The following LRRC4C variants were observed in gnomAD, a reference collection of about 807,000 sequenced individuals.
LRRC4C encodes leucine-rich repeat-containing protein 4C.
In LRRC4C, 5 loss-of-function variants were observed where a neutral mutation model predicts 33.6. The observed-to-expected ratio is 0.15, with a 90% CI of 0.08 to 0.31. The LOEUF is 0.31. Among genes scored for constraint, LRRC4C ranks in the 10% least tolerant of loss-of-function variants. The pLI is 1.00. For synonymous variants in LRRC4C, 329 were observed against 302.0 expected (o/e 1.09, Z -0.93); for missense variants, 560 against 796.7 (o/e 0.70, Z 3.58).
chr11:40,415,986 C>T (rs10837404), intron 3 of LRRC4C, among the ~76,000 whole-genome samples: 51,288 of 151,978 alleles, frequency 0.34, 9,850 homozygotes, highest in South Asian at 0.46. Context: ...GAAGTTAAAA[C>T]GTGTACTATG....
chr11:40,248,698 C>A lies in LRRC4C; in HGVS notation c.-175-7100G>T, dbSNP rs1866534185. On this transcript the variant is annotated intron_variant, in intron 4 of 6. Coordinates refer to ENST00000528697, the MANE Select transcript of LRRC4C (RefSeq NM_001258419.2). ...TCTGGGTGACAGAGTAAGACCCTGT[C>A]TTGAAAAATGAAAAAAGAGTAGCAC... is the stretch of plus-strand genomic sequence containing the variant. Among the ~76,000 whole-genome samples the A allele has an allele frequency of 2.0e-5, 3 of 151,980 alleles. No individual in the cohort carries two copies. In the South Asian group the frequency reaches 6.2e-4, roughly 32 times the overall value.
chr11:40,789,243 C>T (rs1037009242), intron 2 of LRRC4C, among the ~76,000 whole-genome samples: 1 of 151,222 alleles, frequency 6.6e-6, no homozygotes, highest in Admixed American at 6.6e-5. Flanking sequence ...GCTAGTGAGA[C>T]GACTGAAAAA....
chr11:40,744,421 C>A (rs1028439086), intron 2 of LRRC4C, among the ~76,000 whole-genome samples: 1 of 152,092 alleles, frequency 6.6e-6, no homozygotes, highest in Non-Finnish European at 1.5e-5. Context: ...AATGTGAAGA[C>A]CAACAGATAA....
At chr11:40,223,377 C>T (rs1439022753) in intron 5 of LRRC4C, among the ~76,000 whole-genome samples, 1 of 152,074 alleles carries the variant, frequency 6.6e-6, no homozygotes, top group East Asian at 1.9e-4. Flanking sequence ...GATTCAGGGA[C>T]CTACAGCAAA....
intron 1 of LRRC4C, among the ~76,000 whole-genome samples, chr11:41,242,059 C>CT (rs1948272837): frequency 1.3e-5 from 2 of 152,114 alleles, no homozygotes; most frequent in Admixed American, 1.3e-4. Flanking sequence ...CTTACAAAAT[C>CT]ATTCTAAAGA....
At chr11:41,255,720 T>C (rs1433989939) in intron 1 of LRRC4C, among the ~76,000 whole-genome samples, 2 of 135,376 alleles carry the variant, frequency 1.5e-5, no homozygotes, top group African/African-American at 6.0e-5. Flanking sequence ...GAATTTTTCA[T>C]AGCATATTAT....
intron 3 of LRRC4C, among the ~76,000 whole-genome samples, chr11:40,502,950 A>G (rs1954849914): frequency 6.6e-6 from 1 of 152,176 alleles, no homozygotes; most frequent in East Asian, 1.9e-4. Flanking sequence ...AAAAGATCTG[A>G]AAACCACCCA....
At chr11:41,060,642 C>A (rs1937692065) in intron 1 of LRRC4C, among the ~76,000 whole-genome samples, 1 of 152,138 alleles carries the variant, frequency 6.6e-6, no homozygotes, top group Non-Finnish European at 1.5e-5. Context: ...GCCCCCATCT[C>A]CAAATACAGC....
chr11:41,277,620 T>C (rs190837351), intron 1 of LRRC4C, among the ~76,000 whole-genome samples: 1 of 152,222 alleles, frequency 6.6e-6, no homozygotes, highest in East Asian at 1.9e-4. Flanking sequence ...CAAGCCCAAA[T>C]GCTGACAACT....
At chr11:40,982,924 T>C (rs781465421) in intron 1 of LRRC4C, among the ~76,000 whole-genome samples, 5 of 152,168 alleles carry the variant, frequency 3.3e-5, no homozygotes, top group Non-Finnish European at 7.3e-5. Context: ...ACATGCCATG[T>C]TTGGTTTTCT....
intron 2 of LRRC4C, among the ~76,000 whole-genome samples, chr11:40,743,142 T>C (rs889674119): frequency 2.0e-5 from 3 of 152,040 alleles, no homozygotes; most frequent in African/African-American, 7.2e-5. Context: ...TTAGGAATAT[T>C]CCCTGGTATT....
At chr11:41,295,613 T>A (rs1040689917) in intron 1 of LRRC4C, among the ~76,000 whole-genome samples, 4 of 152,008 alleles carry the variant, frequency 2.6e-5, no homozygotes, top group Non-Finnish European at 4.4e-5. Flanking sequence ...TTTTTTTTTT[T>A]AATTCTTAGA....
intron 1 of LRRC4C, among the ~76,000 whole-genome samples, chr11:41,310,844 T>G (rs1394538887): frequency 6.6e-6 from 1 of 152,218 alleles, no homozygotes; most frequent in African/African-American, 2.4e-5. Context: ...AAATATAACT[T>G]CGTATACTAT....
intron 3 of LRRC4C, among the ~76,000 whole-genome samples, chr11:40,508,920 C>G (rs938610225): frequency 7.9e-5 from 12 of 151,488 alleles, no homozygotes; most frequent in African/African-American, 2.7e-4. Context: ...CTATTTTTGA[C>G]CTATCAAATT....
intron 1 of LRRC4C, among the ~76,000 whole-genome samples, chr11:41,297,483 T>A (rs2137052725): frequency 6.6e-6 from 1 of 152,208 alleles, no homozygotes; most frequent in African/African-American, 2.4e-5. Flanking sequence ...ATAAAAGAAA[T>A]AAAGTTAATG....
At chr11:41,081,519 C>G (rs1007031793) in intron 1 of LRRC4C, among the ~76,000 whole-genome samples, 1 of 152,108 alleles carries the variant, frequency 6.6e-6, no homozygotes, top group African/African-American at 2.4e-5. Context: ...CTAAACTTCT[C>G]TCCTTCTCTT....
chr11:41,348,660 A>G (rs919027054), intron 1 of LRRC4C, among the ~76,000 whole-genome samples: 7 of 151,954 alleles, frequency 4.6e-5, no homozygotes, highest in African/African-American at 1.7e-4. Context: ...GTCATTGAGA[A>G]TGGATGGAGG....
intron 3 of LRRC4C, among the ~76,000 whole-genome samples, chr11:40,432,592 T>G (rs1308345080): frequency 6.6e-6 from 1 of 152,174 alleles, no homozygotes; most frequent in Non-Finnish European, 1.5e-5. Context: ...CTGAAACAGT[T>G]TTATTTTGGT....
At position 40,911,476 on chromosome 11, in the gene LRRC4C, G is replaced by T. The variant is rs192039869; in HGVS notation, c.-407+22159C>A. Among the ~76,000 whole-genome samples the T allele has an allele frequency of 1.4e-3, 218 of 152,290 alleles. 1 individual carries two copies. Among genetic ancestry groups the T allele is most frequent in the Non-Finnish European group, 2.1e-3 (143 of 68,036 alleles). ...TCCGGCAAACTCCAACAGACCTACA[G>T]CTGAGGGTCCTGACTCTTAGAAGGA... On this transcript the variant is annotated intron_variant, in intron 2 of 6. Transcript: ENST00000528697.
Sources: gnomAD v4.1 joint callset for allele counts (sites outside exome capture counted in the v4.1 genomes callset) on GRCh38, gnomAD v4.1.1 for gene constraint, MANE v1.5 for transcripts, NCBI Gene and HGNC (gene_info 2026-07-23, HGNC 2026-07-21) for gene names.